The following PRRT1B variants were observed in gnomAD, a reference collection of about 807,000 sequenced individuals.
PRRT1B encodes dispanin subfamily D member 2.
At chr9:131,557,292 A>C (rs1234372090) in intron 3 of PRRT1B, among the ~76,000 whole-genome samples, 1 of 152,102 alleles carries the variant, frequency 6.6e-6, no homozygotes, top group Non-Finnish European at 1.5e-5. Context: ...TAACCCCAGC[A>C]TTTTGGGAGG....
chr9:131,549,221 G>A (rs12345041), intron 1 of PRRT1B, among the ~76,000 whole-genome samples: 106,700 of 152,024 alleles, frequency 0.7, 38,588 homozygotes, highest in African/African-American at 0.89. Context: ...CCAAGTAGCA[G>A]TGTATTTCCG....
At chr9:131,559,213 G>T (rs1408339457), downstream of PRRT1B, among the ~76,000 whole-genome samples, 1 of 36,622 alleles carries the variant, frequency 2.7e-5, no homozygotes, top group African/African-American at 1.3e-4. Context: ...GGAGGCCGAG[G>T]TGGGTGGATC....
chr9:131,551,104 C>G lies in PRRT1B; in HGVS notation c.26-3453C>G, dbSNP rs576534368. ...ACTACAGGCACCCGCCACCATGCTC[C>G]GCTAATTTTTTGTATTTTTAGTAGA... is the stretch of plus-strand genomic sequence containing the variant. On this transcript the variant is annotated intron_variant, in intron 1 of 3. Transcript: ENST00000636672. This position sits in a 1 kb window ranked among gnomAD's most constrained non-coding sequence, Gnocchi z 4.4. 2.6e-5 allele frequency among the ~76,000 whole-genome samples: 4 copies of G among 151,580 alleles called. No individual in the cohort carries two copies. The highest frequency in any genetic ancestry group is 5.9e-5 in the Non-Finnish European group (4 of 67,872).
chr9:131,550,933 CTT>C (rs1159996336), intron 1 of PRRT1B, among the ~76,000 whole-genome samples: 3 of 116,856 alleles, frequency 2.6e-5, no homozygotes, highest in South Asian at 2.6e-4. Flanking sequence ...TTTTTCTTTT[CTT>C]TTTCTTTTTT....
chr9:131,556,309 T>A (rs1263378274), intron 3 of PRRT1B, 96 bp downstream of exon 3: 11 of 398,556 alleles, frequency 2.8e-5, no homozygotes, highest in Non-Finnish European at 4.4e-5. Context: ...CAACACGGTC[T>A]CTGGTGTCTC....
In PRRT1B at chr9:131,551,185, A is replaced by C. The variant is rs1286363198; in HGVS notation, c.26-3372A>C. ...TCTCAATCTCCTGACCTCATGATCC[A>C]CCCGCTTCAGCCTCCCAAAATGCTG... On this transcript the variant is annotated intron_variant, in intron 1 of 3. Transcript: ENST00000636672. This position sits in a 1 kb window ranked among gnomAD's most constrained non-coding sequence, Gnocchi z 4.4. 6.6e-6 allele frequency among the ~76,000 whole-genome samples: 1 copy of C among 150,556 alleles called. No individual in the cohort carries two copies. The highest frequency in any genetic ancestry group is 2.4e-5 in the African/African-American group (1 of 41,004).
chr9:131,550,265 A>ACTCTCCTATC (rs1299475954), intron 1 of PRRT1B, among the ~76,000 whole-genome samples: 1 of 151,898 alleles, frequency 6.6e-6, no homozygotes, highest in Non-Finnish European at 1.5e-5. Flanking sequence ...AAACCCATAT[A>ACTCTCCTATC]CTCTCCTATC....
At chr9:131,550,921 T>C (rs1229917731) in intron 1 of PRRT1B, among the ~76,000 whole-genome samples, 1 of 147,030 alleles carries the variant, frequency 6.8e-6, no homozygotes, top group Non-Finnish European at 1.5e-5. Context: ...GTTTAGTTTT[T>C]CTTTTTCTTT....
intron 3 of PRRT1B, among the ~76,000 whole-genome samples, chr9:131,557,069 C>T (rs901333589): frequency 3.9e-5 from 6 of 152,014 alleles, no homozygotes; most frequent in African/African-American, 1.5e-4. Flanking sequence ...CCCACCAATC[C>T]CTACCCATCC....
At chr9:131,553,843 C>T (rs1301602837) in intron 1 of PRRT1B, among the ~76,000 whole-genome samples, 1 of 152,166 alleles carries the variant, frequency 6.6e-6, no homozygotes, top group African/African-American at 2.4e-5. Context: ...CTCAGCTGGT[C>T]GGGATGCTCT....
chr9:131,553,872 G>A (rs1188075939), intron 1 of PRRT1B, among the ~76,000 whole-genome samples: 2 of 152,188 alleles, frequency 1.3e-5, no homozygotes, highest in Non-Finnish European at 1.5e-5. Context: ...GCAGCCTTAA[G>A]AATTTGTTGG....
At chr9:131,553,420 G>A (rs1309300148) in intron 1 of PRRT1B, among the ~76,000 whole-genome samples, 1 of 152,246 alleles carries the variant, frequency 6.6e-6, no homozygotes, top group East Asian at 1.9e-4. Context: ...GAAACAGAGG[G>A]AACATCACAG....
At chr9:131,556,423 T>C (rs982930213) in intron 3 of PRRT1B, among the ~76,000 whole-genome samples, 3 of 152,232 alleles carry the variant, frequency 2.0e-5, no homozygotes, top group African/African-American at 4.8e-5. Context: ...TGCTGTGGAA[T>C]GTTTGGCCAA....
At chr9:131,550,848 T>C (rs1373605047) in intron 1 of PRRT1B, among the ~76,000 whole-genome samples, 1 of 151,970 alleles carries the variant, frequency 6.6e-6, no homozygotes, top group African/African-American at 2.4e-5. Context: ...TCCTGGGTCC[T>C]CCCAATTCTT....
In PRRT1B at chr9:131,554,241, T is replaced by C. The variant is rs112025099; in HGVS notation, c.26-316T>C. On this transcript the variant is annotated intron_variant, in intron 1 of 3. Coordinates refer to ENST00000636672, the Ensembl canonical transcript of PRRT1B. ...GCGGATTATCCTTTTCTGGTCCAAT[T>C]AGCTTTGACATAAAGGCCTTAGTTG... is the stretch of plus-strand genomic sequence containing the variant. 8.7e-3 allele frequency among the ~76,000 whole-genome samples: 1,317 copies of C among 151,998 alleles called. 13 individuals are homozygous for C. Among genetic ancestry groups the C allele is most frequent in the African/African-American group, 0.03 (1,258 of 41,416 alleles).
chr9:131,558,356 A>C, exon 4 of PRRT1B: 1 of 396,616 alleles, frequency 2.5e-6, no homozygotes, highest in Non-Finnish European at 4.4e-6. Context: ...GGCAGCCCTC[A>C]ACTGACTTGT....
chr9:131,546,966 C>T (rs979028395), intron 1 of PRRT1B, among the ~76,000 whole-genome samples: 5 of 151,834 alleles, frequency 3.3e-5, no homozygotes, highest in African/African-American at 7.3e-5. Context: ...GTCTCGGTTC[C>T]CTCATTAGTA....
At chr9:131,556,641 CT>C (rs1408813407) in intron 3 of PRRT1B, among the ~76,000 whole-genome samples, 1 of 150,232 alleles carries the variant, frequency 6.7e-6, no homozygotes. Context: ...CCATCTCTCT[CT>C]TTTTTTTTGA....
chr9:131,555,023 C>A (rs942103001), exon 2 of PRRT1B: 6 of 392,110 alleles, frequency 1.5e-5, no homozygotes, highest in Admixed American at 1.3e-4. Flanking sequence ...CCTTCCCCTT[C>A]CCCGTGGTGA....
Sources: gnomAD v4.1 joint callset for allele counts (sites outside exome capture counted in the v4.1 genomes callset) on GRCh38, gnomAD v4.1.1 for gene constraint, Gnocchi (gnomAD v3.1) non-coding constraint, MANE v1.5 for transcripts, NCBI Gene and HGNC (gene_info 2026-07-23, HGNC 2026-07-21) for gene names.